Variants in SV2B observed in about 807,000 individuals in gnomAD.
SV2B encodes the protein synaptic vesicle glycoprotein 2B, also known as solute carrier family 22 member B2.
In SV2B, 41 loss-of-function variants were observed where a neutral mutation model predicts 73.9. The ratio of observed to expected loss-of-function variants is 0.56; its 90% CI spans 0.43 to 0.72. The LOEUF is 0.72. Among genes scored for constraint, SV2B ranks in the 30% least tolerant of loss-of-function variants. The pLI is 0.00. For synonymous variants in SV2B, 314 were observed against 314.2 expected (o/e 1.00, Z 0.01); for missense variants, 764 against 857.8 (o/e 0.89, Z 1.37).
chr15:91,231,131 C>A lies in SV2B; in HGVS notation c.451+4417C>A, dbSNP rs2046557208. ...TCTGGGTATGTAAAAAAAAAATCAC[C>A]CGAAGAAATGATTAAACTTAGGAAG... On this transcript the variant is annotated intron_variant, in intron 2 of 12. Coordinates refer to ENST00000394232, the MANE Select transcript of SV2B (RefSeq NM_001323032.3). This position sits in a 1 kb window ranked among gnomAD's most constrained non-coding sequence, Gnocchi z 4.5. 6.6e-6 allele frequency among the ~76,000 whole-genome samples: 1 copy of A among 151,964 alleles called. No individual in the cohort carries two copies. Among genetic ancestry groups the A allele is most frequent in the Non-Finnish European group, 1.5e-5 (1 of 68,006 alleles).
intron 1 of SV2B, among the ~76,000 whole-genome samples, chr15:91,131,414 T>C (rs541712062): frequency 6.6e-5 from 10 of 151,854 alleles, no homozygotes; most frequent in Non-Finnish European, 1.5e-4. Flanking sequence ...TAAGCACACA[T>C]ATATGTATAC....
rs1277083990 is a variant in SV2B at position 91,124,052 on chromosome 15, TC to T, written c.-392+23690del. Among the ~76,000 whole-genome samples, 1 of 152,182 alleles carries T rather than the reference TC, an allele frequency of 6.6e-6. No homozygotes were observed. Among genetic ancestry groups the T allele is most frequent in the Non-Finnish European group, 1.5e-5 (1 of 68,022 alleles). ...TCCCTCAGAAAATACTTTGTCCATG[TC>T]ACCTTGTTGCACTCCTCATTATGGG... is the stretch of plus-strand genomic sequence containing the variant. On this transcript the variant is annotated intron_variant, in intron 1 of 12. Coordinates refer to ENST00000394232, the MANE Select transcript of SV2B (RefSeq NM_001323032.3). This position sits in a 1 kb window ranked among gnomAD's most constrained non-coding sequence, Gnocchi z 4.6.
At position 91,268,307 on chromosome 15, in the gene SV2B, G is replaced by A; in HGVS notation, c.1209-134G>A. 1.1e-6 allele frequency: 1 copy of A among 900,426 alleles called. No individual in the cohort carries two copies. The highest frequency in any genetic ancestry group is 1.6e-6 in the Non-Finnish European group (1 of 612,508). 55.8% of individuals were successfully genotyped at this position (900,426 alleles called of 1,614,324 possible). On this transcript the variant is annotated intron_variant, in intron 8 of 12. Coordinates refer to ENST00000394232, the MANE Select transcript of SV2B (RefSeq NM_001323032.3). The surrounding 1 kb of genome is among the most constrained non-coding windows in gnomAD (Gnocchi z 4.4). ...ATTTATTAATATGAGGATTTATATT[G>A]TCAGATTTTCTAATAATGAACCAAA...
At chr15:91,228,461 G>A (rs2046456725) in intron 2 of SV2B, among the ~76,000 whole-genome samples, 1 of 152,100 alleles carries the variant, frequency 6.6e-6, no homozygotes, top group Admixed American at 6.5e-5. Context: ...TCCAACTGAT[G>A]TAAACATTTC....
chr15:91,192,082 T>C (rs901952368), intron 1 of SV2B, among the ~76,000 whole-genome samples: 4 of 152,190 alleles, frequency 2.6e-5, no homozygotes, highest in Admixed American at 2.0e-4. Context: ...ATCATATTAG[T>C]ATTGATCTTT....
intron 1 of SV2B, among the ~76,000 whole-genome samples, chr15:91,180,845 C>T (rs1480543565): frequency 6.6e-6 from 1 of 152,142 alleles, no homozygotes; most frequent in East Asian, 1.9e-4. Flanking sequence ...TGAATTTCCT[C>T]CTGTAGCTCG....
chr15:91,104,667 C>G (rs1417781286), intron 1 of SV2B, among the ~76,000 whole-genome samples: 2 of 152,206 alleles, frequency 1.3e-5, no homozygotes, highest in African/African-American at 4.8e-5. Flanking sequence ...GAGTTTCACT[C>G]TTGTTGCCCA....
At chr15:91,107,382 A>G (rs2041914518) in intron 1 of SV2B, among the ~76,000 whole-genome samples, 1 of 151,710 alleles carries the variant, frequency 6.6e-6, no homozygotes, top group Non-Finnish European at 1.5e-5. Context: ...GCACAATCTT[A>G]GCTCACTGCA....
rs1405510388 is a variant in SV2B at position 91,265,186 on chromosome 15, AG to A, written c.1009-1395del. Among the ~76,000 whole-genome samples, 4 of 152,102 alleles carry A rather than the reference AG, an allele frequency of 2.6e-5. No individual in the cohort carries two copies. Among genetic ancestry groups the A allele is most frequent in the Non-Finnish European group, 5.9e-5 (4 of 68,006 alleles). ...TAGATGTATTCAGTGGCCTGGAGGG[AG>A]AGCTTAGGGCAGTCACACTCTTAGT... On this transcript the variant is annotated intron_variant, in intron 6 of 12. Transcript: ENST00000394232. This position sits in a 1 kb window ranked among gnomAD's most constrained non-coding sequence, Gnocchi z 4.2.
chr15:91,278,678 C>CAAAAAAAAAAA (rs746732650), intron 9 of SV2B, among the ~76,000 whole-genome samples: 2,753 of 41,774 alleles, frequency 0.066, 141 homozygotes, highest in Non-Finnish European at 0.087. Context: ...GACTCCGTCT[C>CAAAAAAAAAAA]AAAAAAAAAA....
chr15:91,187,232 A>G (rs1348826146), intron 1 of SV2B, among the ~76,000 whole-genome samples: 1 of 152,250 alleles, frequency 6.6e-6, no homozygotes, highest in African/African-American at 2.4e-5. Flanking sequence ...GCCTGAGGAA[A>G]TATTTCTCCA....
chr15:91,226,094 T>G lies in SV2B; in HGVS notation c.-170T>G. ...TTGTCTTTGCACAAATCTGGTTGAT[T>G]TGAGAGATAAAGGGGGGGGGAACCA... On this transcript the variant is annotated 5_prime_UTR_variant, in exon 2 of 13. The change creates a new upstream start codon in the 5' untranslated region. Coordinates refer to ENST00000394232, the MANE Select transcript of SV2B (RefSeq NM_001323032.3). 1 of 648,152 alleles carries G rather than the reference T, an allele frequency of 1.5e-6. No homozygotes were observed. Among genetic ancestry groups the G allele is most frequent in the East Asian group, 2.8e-5 (1 of 35,808 alleles). The allele number at this position is 648,152 out of a possible 1,614,324, so 40.2% of individuals were successfully genotyped here. A position where few individuals can be genotyped will look rare whatever the true frequency, so the allele number is the denominator to read the frequency against.
At chr15:91,262,855 C>T (rs1057257090) in intron 6 of SV2B, among the ~76,000 whole-genome samples, 2 of 152,218 alleles carry the variant, frequency 1.3e-5, no homozygotes, top group African/African-American at 4.8e-5. Context: ...GTGGAAGCCA[C>T]ACATTGGTGA....
At position 91,268,396 on chromosome 15, in the gene SV2B, A is replaced by T; in HGVS notation, c.1209-45A>T. On this transcript the variant is annotated intron_variant, in intron 8 of 12. Coordinates refer to ENST00000394232, the MANE Select transcript of SV2B (RefSeq NM_001323032.3). The surrounding 1 kb of genome is among the most constrained non-coding windows in gnomAD (Gnocchi z 4.4). Reference sequence around the variant, plus strand: ...AGAGTGTAGACCCTGATCATGAAAGAATGAATCCTGTTGTTGTTGCAACCT... The same window carrying T: ...AGAGTGTAGACCCTGATCATGAAAGTATGAATCCTGTTGTTGTTGCAACCT... The T allele has an allele frequency of 6.3e-7, 1 of 1,579,908 alleles. No individual in the cohort carries two copies. The highest frequency in any genetic ancestry group is 8.6e-7 in the Non-Finnish European group (1 of 1,157,032).
At chr15:91,191,088 A>G (rs191802165) in intron 1 of SV2B, among the ~76,000 whole-genome samples, 3,474 of 55,862 alleles carry the variant, frequency 0.062, 114 homozygotes, top group Middle Eastern at 0.1. Context: ...TTTTTTTGAC[A>G]GAGTCTTGCT....
rs77204250 is a variant in SV2B at position 91,251,921 on chromosome 15, A to G, written c.554A>G (p.Asn185Ser). The G allele has an allele frequency of 2.5e-5, 40 of 1,614,122 alleles. No homozygotes were observed. Among genetic ancestry groups the G allele is most frequent in the African/African-American group, 8.0e-5 (6 of 74,998 alleles). ...KRVLSMSLAVNASFASLSSFV... is the reference protein window; with the variant it reads ...KRVLSMSLAVSASFASLSSFV... Reference sequence around the variant, plus strand: ...GTCCTCAGCATGTCTCTGGCCGTCAATGCCTCCTTCGCCTCCCTCTCTTCC... The same window carrying G: ...GTCCTCAGCATGTCTCTGGCCGTCAGTGCCTCCTTCGCCTCCCTCTCTTCC... Residue 185 changes from asparagine (N) to serine (S), a missense_variant, in exon 3 of 13, where the codon AAT becomes AGT. By Grantham distance (46) the Asn-to-Ser change is conservative (BLOSUM62 1). Transcript: ENST00000394232.
At position 91,231,847 on chromosome 15, in the gene SV2B, T is replaced by G. The variant is rs2046586693; in HGVS notation, c.451+5133T>G. 1.3e-5 allele frequency among the ~76,000 whole-genome samples: 2 copies of G among 152,176 alleles called. No homozygotes were observed. Among genetic ancestry groups the G allele is most frequent in the South Asian group, 4.1e-4 (2 of 4,822 alleles). On this transcript the variant is annotated intron_variant, in intron 2 of 12. Transcript: ENST00000394232. This position sits in a 1 kb window ranked among gnomAD's most constrained non-coding sequence, Gnocchi z 4.5. Reference sequence around the variant, plus strand: ...GGAGTTATACCTTTCAGAAAGTGATTTAGAATCTAACAGTTGACCCCTGGG... The same window carrying G: ...GGAGTTATACCTTTCAGAAAGTGATGTAGAATCTAACAGTTGACCCCTGGG...
At chr15:91,201,130 CCTGACTCCCTCCTTT>C (rs1228164925) in intron 1 of SV2B, among the ~76,000 whole-genome samples, 1 of 152,160 alleles carries the variant, frequency 6.6e-6, no homozygotes, top group Non-Finnish European at 1.5e-5. Flanking sequence ...TCCTTGGCCA[CCTGACTCCCTCCTTT>C]CAAACTCAAG....
chr15:91,266,298 T>C (rs1484720084), intron 6 of SV2B, among the ~76,000 whole-genome samples: 1 of 152,240 alleles, frequency 6.6e-6, no homozygotes, highest in East Asian at 1.9e-4. Flanking sequence ...TCCCCGCGGA[T>C]TGCCCAGTCG....
Sources: allele counts gnomAD v4.1 joint callset (sites outside exome capture counted in the v4.1 genomes callset), GRCh38; gene constraint gnomAD v4.1.1; non-coding constraint Gnocchi (gnomAD v3.1); transcripts MANE v1.5; gene names NCBI Gene and HGNC (gene_info 2026-07-23, HGNC 2026-07-21).